The following ADAMTS6 variants were observed in gnomAD, a reference collection of about 807,000 sequenced individuals.
The protein encoded by ADAMTS6 is A disintegrin and metalloproteinase with thrombospondin motifs 6.
Under a neutral mutation model 144.3 loss-of-function variants are expected in ADAMTS6, and 23 were observed. The observed-to-expected ratio is 0.16, with a 90% CI of 0.11 to 0.23. The LOEUF (loss-of-function observed/expected upper bound fraction) is 0.23. Among genes scored for constraint, ADAMTS6 ranks in the 10% least tolerant of loss-of-function variants. ADAMTS6 has a pLI of 1.00. For missense variants in ADAMTS6, 999 were observed against 1,379.6 expected (o/e 0.72, Z 4.37); for synonymous variants, 444 against 457.5 (o/e 0.97, Z 0.38).
At chr5:65,471,987 G>A (rs976633542) in intron 2 of ADAMTS6, among the ~76,000 whole-genome samples, 4 of 151,910 alleles carry the variant, frequency 2.6e-5, no homozygotes, top group African/African-American at 9.7e-5. Context: ...CTCAAAAAGG[G>A]GAATTAAACC....
intron 7 of ADAMTS6, among the ~76,000 whole-genome samples, chr5:65,441,516 A>T (rs1430688016): frequency 6.6e-6 from 1 of 152,148 alleles, no homozygotes; most frequent in Non-Finnish European, 1.5e-5. Context: ...ATCATAATCA[A>T]ATTGTTCAAC....
chr5:65,193,976 A>G, intron 21 of ADAMTS6, among the ~76,000 whole-genome samples: 1 of 152,208 alleles, frequency 6.6e-6, no homozygotes, highest in East Asian at 1.9e-4. Context: ...CTCTGTATAC[A>G]TAGAAAAAAT....
chr5:65,206,812 GTT>G (rs531539313), intron 20 of ADAMTS6, among the ~76,000 whole-genome samples: 205 of 141,604 alleles, frequency 1.4e-3, no homozygotes, highest in African/African-American at 5.1e-3. Flanking sequence ...TTTATATGCT[GTT>G]TTTTTTCTCT....
rs1291018939 is a variant in ADAMTS6 at position 65,173,953 on chromosome 5, C to T, written c.2911-945G>A. On this transcript the variant is annotated intron_variant, in intron 22 of 24. Coordinates refer to ENST00000381055, the MANE Select transcript of ADAMTS6 (RefSeq NM_197941.4). ...CAGGAGAAGTGCTTGAACCAGGAGG[C>T]GGAGGTTGCAGTGAGCCGAGATTGC... Among the ~76,000 whole-genome samples the T allele has an allele frequency of 4.7e-5, 7 of 149,882 alleles. No individual in the cohort carries two copies. In the South Asian group the frequency reaches 6.3e-4, roughly 13 times the overall value.
chr5:65,151,734 AT>A lies in ADAMTS6; in HGVS notation c.*101del, dbSNP rs1752146503. 1.0e-6 allele frequency: 1 copy of A among 998,150 alleles called. No individual in the cohort carries two copies. Among genetic ancestry groups the A allele is most frequent in the Non-Finnish European group, 1.5e-6 (1 of 646,688 alleles). 61.8% of individuals were successfully genotyped at this position (998,150 alleles called of 1,614,324 possible). On this transcript the variant is annotated 3_prime_UTR_variant, in exon 25 of 25. Transcript: ENST00000381055. ...CAGTGGTTACGTTTTCCACAGGGTA[AT>A]GCATTTGCAAGGACATCAATCCTCT...
chr5:65,455,440 G>T (rs1759109675), intron 4 of ADAMTS6, among the ~76,000 whole-genome samples: 1 of 152,126 alleles, frequency 6.6e-6, no homozygotes, highest in Non-Finnish European at 1.5e-5. Context: ...TGCTCAGTAG[G>T]CTGAGGCAGG....
intron 9 of ADAMTS6, among the ~76,000 whole-genome samples, chr5:65,321,708 CTTTTTT>C (rs529236363): frequency 5.8e-4 from 46 of 78,888 alleles, no homozygotes; most frequent in Middle Eastern, 0.013. Context: ...TTTTCTTTTC[CTTTTTT>C]TTTTTTTTTT....
chr5:65,481,188 G>C lies in ADAMTS6; in HGVS notation c.-280+155C>G, dbSNP rs181401258. Among the ~76,000 whole-genome samples, 3 of 140,220 alleles carry C rather than the reference G, an allele frequency of 2.1e-5. No individual in the cohort carries two copies. In the East Asian group the frequency reaches 6.1e-4, roughly 29 times the overall value. The allele number at this position is 140,220 out of a possible 152,430, so 92.0% of individuals were successfully genotyped here. A position where few individuals can be genotyped will look rare whatever the true frequency, so the allele number is the denominator to read the frequency against. ...TTAAAAAGATATCTATTTGTAAAATGAGTTCAGTCAAGCTCACTCATTGCC... is the reference window on the plus strand; with the variant it reads ...TTAAAAAGATATCTATTTGTAAAATCAGTTCAGTCAAGCTCACTCATTGCC... On this transcript the variant is annotated intron_variant, in intron 1 of 24. Coordinates refer to ENST00000381055, the MANE Select transcript of ADAMTS6 (RefSeq NM_197941.4).
intron 7 of ADAMTS6, among the ~76,000 whole-genome samples, chr5:65,435,132 A>G (rs1757292128): frequency 1.3e-5 from 2 of 152,206 alleles, no homozygotes; most frequent in Non-Finnish European, 2.9e-5. Flanking sequence ...AGATAGTATA[A>G]TTAAAAGACA....
rs184039768 is a variant in ADAMTS6, at chr5:65,367,863, T to A, written c.1074-33778A>T. Among the ~76,000 whole-genome samples, 431 of 152,054 alleles carry A rather than the reference T, an allele frequency of 2.8e-3. 3 individuals carry two copies. Among genetic ancestry groups the A allele is most frequent in the African/African-American group, 0.01 (416 of 41,482 alleles). On this transcript the variant is annotated intron_variant, in intron 7 of 24. Transcript: ENST00000381055. The stretch of plus-strand genomic sequence containing the variant: ...TACTACATATATATATATCTATATG[T>A]ATATATATGTGTGTGTATATATATA...
At chr5:65,359,478 T>C (rs1401949606) in intron 7 of ADAMTS6, among the ~76,000 whole-genome samples, 2 of 152,122 alleles carry the variant, frequency 1.3e-5, no homozygotes, top group Non-Finnish European at 2.9e-5. Context: ...ATTAGTATTA[T>C]GGAAAACAGT....
rs929967775 is a variant in ADAMTS6 at position 65,383,958 on chromosome 5, A to G, written c.1074-49873T>C. Reference sequence around the variant, plus strand: ...TGATCTACCACCCATGCCTTTTGGAAAGGCAGCCCGAGGCACAACTAAATC... The same window carrying G: ...TGATCTACCACCCATGCCTTTTGGAGAGGCAGCCCGAGGCACAACTAAATC... On this transcript the variant is annotated intron_variant, in intron 7 of 24. Transcript: ENST00000381055. Among the ~76,000 whole-genome samples, 53 of 152,136 alleles carry G rather than the reference A, an allele frequency of 3.5e-4. 1 individual carries two copies. Among genetic ancestry groups the G allele is most frequent in the Admixed American group, 3.5e-3 (53 of 15,264 alleles).
In ADAMTS6 at chr5:65,151,957, G is replaced by T; in HGVS notation, c.3245-12C>A. Reference sequence around the variant, plus strand: ...CACATCTTTGCACTCTAACGAATGGGGGCAGAAAATGGAAAACAATTAGAG... The same window carrying T: ...CACATCTTTGCACTCTAACGAATGGTGGCAGAAAATGGAAAACAATTAGAG... On this transcript the variant is annotated splice_polypyrimidine_tract_variant and intron_variant, in intron 24 of 24. Transcript: ENST00000381055. 1.2e-6 allele frequency: 2 copies of T among 1,603,222 alleles called. No homozygotes were observed. The highest frequency in any genetic ancestry group is 1.7e-6 in the Non-Finnish European group (2 of 1,170,956).
intron 15 of ADAMTS6, among the ~76,000 whole-genome samples, chr5:65,240,212 C>G (rs1032952290): frequency 6.6e-6 from 1 of 151,884 alleles, no homozygotes; most frequent in African/African-American, 2.4e-5. Flanking sequence ...CCAAGTGATT[C>G]TCCCGCCTCA....
chr5:65,172,628 G>T (rs985152577), intron 23 of ADAMTS6, among the ~76,000 whole-genome samples: 1 of 152,188 alleles, frequency 6.6e-6, no homozygotes, highest in Non-Finnish European at 1.5e-5. Flanking sequence ...GTGTGTGGGT[G>T]TGGGAGAATC....
chr5:65,392,411 T>C (rs758050192), intron 7 of ADAMTS6, among the ~76,000 whole-genome samples: 1 of 152,210 alleles, frequency 6.6e-6, no homozygotes, highest in African/African-American at 2.4e-5. Flanking sequence ...GGTCTCTCTA[T>C]ATATTAATAC....
At chr5:65,311,033 A>T (rs569481055) in intron 9 of ADAMTS6, among the ~76,000 whole-genome samples, 1 of 152,274 alleles carries the variant, frequency 6.6e-6, no homozygotes, top group African/African-American at 2.4e-5. Flanking sequence ...TTCCAGGATA[A>T]GACTTTTGTT....
At chr5:65,404,312 C>T (rs1288638628) in intron 7 of ADAMTS6, among the ~76,000 whole-genome samples, 2 of 152,072 alleles carry the variant, frequency 1.3e-5, no homozygotes, top group African/African-American at 4.8e-5. Flanking sequence ...TACCCCATGA[C>T]AGGCCCTGGT....
intron 22 of ADAMTS6, among the ~76,000 whole-genome samples, chr5:65,173,735 G>A (rs1753765595): frequency 6.6e-6 from 1 of 152,102 alleles, no homozygotes; most frequent in African/African-American, 2.4e-5. Flanking sequence ...CTTAAAATAT[G>A]TAATTCAGGC....
Sources: gnomAD v4.1 joint callset for allele counts (sites outside exome capture counted in the v4.1 genomes callset) on GRCh38, gnomAD v4.1.1 for gene constraint, MANE v1.5 for transcripts, NCBI Gene and HGNC (gene_info 2026-07-23, HGNC 2026-07-21) for gene names.